The following MAGI2 variants were observed in gnomAD, a reference collection of about 807,000 sequenced individuals.
MAGI2 encodes the protein membrane-associated guanylate kinase, WW and PDZ domain-containing protein 2.
MAGI2 carries 35 observed loss-of-function variants against 133.3 expected under a neutral mutation model. That is an observed-to-expected ratio of 0.26 (90% CI 0.20 to 0.35). The LOEUF is 0.35. MAGI2 is among the 10% of genes least tolerant of loss of function. MAGI2 has a pLI of 1.00. For synonymous variants in MAGI2, 729 were observed against 710.6 expected (o/e 1.03, Z -0.41); for missense variants, 1,636 against 1,863.4 (o/e 0.88, Z 2.25).
chr7:78,678,660 C>T (rs1815308697), intron 2 of MAGI2, among the ~76,000 whole-genome samples: 1 of 152,060 alleles, frequency 6.6e-6, no homozygotes, highest in Admixed American at 6.6e-5. Context: ...TATCAGTTTT[C>T]CTGTTGATTC....
chr7:79,410,635 T>A (rs940107193), intron 1 of MAGI2: 1 of 152,110 alleles, frequency 6.6e-6, no homozygotes, highest in Non-Finnish European at 1.5e-5. Flanking sequence ...TGACTAGCTT[T>A]CTATAAAAGC....
At chr7:78,068,143 T>C (rs1814040880) in intron 21 of MAGI2, among the ~76,000 whole-genome samples, 2 of 152,160 alleles carry the variant, frequency 1.3e-5, no homozygotes, top group African/African-American at 2.4e-5. Context: ...ATGAAACTGT[T>C]CCACCTCAGA....
At chr7:79,142,787 T>C (rs1433414243) in intron 1 of MAGI2, among the ~76,000 whole-genome samples, 1 of 152,200 alleles carries the variant, frequency 6.6e-6, no homozygotes. Context: ...ATCTGTTAAA[T>C]TGTTCCCACC....
At chr7:78,333,451 A>T (rs1281346727) in intron 9 of MAGI2, among the ~76,000 whole-genome samples, 3 of 152,236 alleles carry the variant, frequency 2.0e-5, no homozygotes, top group Non-Finnish European at 2.9e-5. Flanking sequence ...CCTTCTCTTG[A>T]GTCTGGGCTG....
At chr7:78,424,458 C>A (rs1799096424) in intron 6 of MAGI2, among the ~76,000 whole-genome samples, 1 of 152,180 alleles carries the variant, frequency 6.6e-6, no homozygotes, top group Non-Finnish European at 1.5e-5. Context: ...TTGGAGTCCC[C>A]TGCACAGAGT....
chr7:78,944,786 G>C (rs1218248812), intron 2 of MAGI2, among the ~76,000 whole-genome samples: 1 of 151,666 alleles, frequency 6.6e-6, no homozygotes, highest in Non-Finnish European at 1.5e-5. Context: ...GTCCAGGCTG[G>C]AGTGCAGTGG....
chr7:78,804,969 G>A (rs903009039), intron 2 of MAGI2, among the ~76,000 whole-genome samples: 9 of 151,404 alleles, frequency 5.9e-5, no homozygotes, highest in Admixed American at 2.0e-4. Context: ...TTGGGAGGCT[G>A]AGGCAGGAGA....
intron 2 of MAGI2, among the ~76,000 whole-genome samples, chr7:78,766,965 G>A (rs757943048): frequency 3.3e-5 from 5 of 151,076 alleles, no homozygotes; most frequent in Middle Eastern, 3.4e-3. Context: ...AAACGCTTAC[G>A]TTGAGAATTC....
At chr7:78,782,399 A>C (rs1277460288) in intron 2 of MAGI2, among the ~76,000 whole-genome samples, 1 of 152,116 alleles carries the variant, frequency 6.6e-6, no homozygotes, top group African/African-American at 2.4e-5. Flanking sequence ...GGGGCAGGTG[A>C]GTCCTTTGAT....
chr7:78,804,419 T>C (rs1410553290), intron 2 of MAGI2, among the ~76,000 whole-genome samples: 1 of 151,056 alleles, frequency 6.6e-6, no homozygotes, highest in Admixed American at 6.6e-5. Flanking sequence ...ACTGGAATAT[T>C]AATAAACAAA....
intron 1 of MAGI2, among the ~76,000 whole-genome samples, chr7:79,086,803 T>A (rs566690586): frequency 1.3e-5 from 2 of 151,838 alleles, no homozygotes; most frequent in East Asian, 3.9e-4. Flanking sequence ...AATAAGAGTA[T>A]GCATTTTTAA....
intron 6 of MAGI2, among the ~76,000 whole-genome samples, chr7:78,481,726 C>T (rs1315680901): frequency 7.5e-6 from 1 of 133,952 alleles, no homozygotes; most frequent in Non-Finnish European, 1.6e-5. Flanking sequence ...AAATAGAGAA[C>T]CTTAACCTAA....
At chr7:79,186,776 T>TTTATACAAAAGTATATATATATATATAC (rs1562974168) in intron 1 of MAGI2, among the ~76,000 whole-genome samples, 1 of 98,172 alleles carries the variant, frequency 1.0e-5, no homozygotes. Flanking sequence ...TATATATATA[T>TTTATACAAAAGTATATATATATATATAC]ACACACACAC....
intron 2 of MAGI2, among the ~76,000 whole-genome samples, chr7:78,639,390 A>T (rs766667665): frequency 6.6e-6 from 1 of 152,136 alleles, no homozygotes; most frequent in Non-Finnish European, 1.5e-5. Flanking sequence ...CCAAATTATC[A>T]TGGAGGGAAG....
chr7:79,122,563 A>G (rs1035741887), intron 1 of MAGI2, among the ~76,000 whole-genome samples: 1 of 152,110 alleles, frequency 6.6e-6, no homozygotes, highest in African/African-American at 2.4e-5. Flanking sequence ...AACTATATAA[A>G]TGATTTCGTT....
At chr7:78,630,705 G>A (rs1808893029) in intron 2 of MAGI2, among the ~76,000 whole-genome samples, 1 of 152,038 alleles carries the variant, frequency 6.6e-6, no homozygotes, top group Non-Finnish European at 1.5e-5. Flanking sequence ...ATGAGCCACT[G>A]CGCCCGGCTG....
intron 2 of MAGI2, among the ~76,000 whole-genome samples, chr7:78,851,530 C>A (rs1451210238): frequency 6.6e-6 from 1 of 152,098 alleles, no homozygotes; most frequent in Non-Finnish European, 1.5e-5. Context: ...CTGTATATTC[C>A]TCCCAGATCT....
At chr7:78,320,980 C>T (rs1272885070) in intron 9 of MAGI2, among the ~76,000 whole-genome samples, 6 of 152,080 alleles carry the variant, frequency 3.9e-5, no homozygotes, top group Non-Finnish European at 8.8e-5. Context: ...ACACCAATAA[C>T]AAACAGACAG....
At chr7:78,903,270 C>T (rs7792468) in intron 2 of MAGI2, among the ~76,000 whole-genome samples, 83,486 of 144,208 alleles carry the variant, frequency 0.58, 25,077 homozygotes, top group East Asian at 0.82. Context: ...CTTGGCTCAC[C>T]GCAAGCTCCG....
Sources: gnomAD v4.1 joint callset for allele counts (sites outside exome capture counted in the v4.1 genomes callset) on GRCh38, gnomAD v4.1.1 for gene constraint, MANE v1.5 for transcripts, NCBI Gene and HGNC (gene_info 2026-07-23, HGNC 2026-07-21) for gene names.